The following ABCC9 variants were observed in gnomAD, a reference collection of about 807,000 sequenced individuals.
The protein encoded by ABCC9 is ATP-binding cassette sub-family C member 9.
In ABCC9, 95 loss-of-function variants were observed where a neutral mutation model predicts 188.3. That is an observed-to-expected ratio of 0.50 (90% CI 0.43 to 0.60). The LOEUF (loss-of-function observed/expected upper bound fraction) is 0.60, where lower values mean the gene tolerates loss of function less well. Among genes scored for constraint, ABCC9 ranks in the 20% least tolerant of loss-of-function variants. The pLI is 0.00. For missense variants in ABCC9, 1,102 were observed against 1,876.3 expected (o/e 0.59, Z 7.62); for synonymous variants, 659 against 652.7 (o/e 1.01, Z -0.15).
chr12:21,801,742 G>T (rs558786431), intron 39 of ABCC9, among the ~76,000 whole-genome samples: 1 of 152,112 alleles, frequency 6.6e-6, no homozygotes, highest in Non-Finnish European at 1.5e-5. Context: ...CTTTCCACGC[G>T]ATGCCCTTTG....
chr12:21,924,039 T>C (rs76908314), intron 5 of ABCC9: 10,062 of 440,254 alleles, frequency 0.023, 841 homozygotes, highest in East Asian at 0.21. Flanking sequence ...TTACATGAAG[T>C]TCTAGAACAG....
chr12:21,915,978 T>A lies in ABCC9; in HGVS notation c.574-68A>T, dbSNP rs151280173. On this transcript the variant is annotated intron_variant, in intron 6 of 39. Transcript: ENST00000261200. ...ATTTTCCACATATTAAAAATAAAAT[T>A]TCAACCTTTTCTACATTTTCATTTC... The A allele has an allele frequency of 1.6e-4, 237 of 1,494,712 alleles. 5 individuals carry two copies. The East Asian group carries it at 5.6e-3, about 35-fold the overall frequency. The allele number at this position is 1,494,712 out of a possible 1,614,324, so 92.6% of individuals were successfully genotyped here.
chr12:21,836,169 G>C (rs539046728), intron 30 of ABCC9, among the ~76,000 whole-genome samples: 1 of 151,990 alleles, frequency 6.6e-6, no homozygotes, highest in Non-Finnish European at 1.5e-5. Context: ...TCCTTGTCTC[G>C]GGCGTTAACC....
intron 29 of ABCC9, among the ~76,000 whole-genome samples, chr12:21,839,117 G>A (rs1423712049): frequency 6.6e-6 from 1 of 152,152 alleles, no homozygotes; most frequent in Non-Finnish European, 1.5e-5. Flanking sequence ...AAAGAGAATG[G>A]GTGAGTGAGG....
intron 17 of ABCC9, among the ~76,000 whole-genome samples, chr12:21,873,670 C>G (rs969988432): frequency 5.9e-5 from 9 of 152,104 alleles, no homozygotes; most frequent in Non-Finnish European, 1.3e-4. Flanking sequence ...AAATATATTA[C>G]AAACCTACGG....
At chr12:21,851,789 G>T (rs1475308845) in intron 24 of ABCC9, among the ~76,000 whole-genome samples, 1 of 152,006 alleles carries the variant, frequency 6.6e-6, no homozygotes, top group Non-Finnish European at 1.5e-5. Flanking sequence ...ATAAGGAAAC[G>T]CCATGCTTCA....
Position 21,846,685 on chromosome 12 carries a change from G to C in ABCC9, c.2867-853C>G, listed in dbSNP as rs148487079. Among the ~76,000 whole-genome samples the C allele has an allele frequency of 3.3e-3, 505 of 152,260 alleles. 4 individuals are homozygous for C. Among genetic ancestry groups the C allele is most frequent in the African/African-American group, 9.0e-3 (373 of 41,550 alleles). ...ATGCAGTAAATGACTACGTCTCAGA[G>C]GTTCTCCCCTTTGGCAGGGGTATGT... On this transcript the variant is annotated intron_variant, in intron 25 of 39. Transcript: ENST00000261200.
rs1232644596 is a variant in ABCC9, at chr12:21,933,894, T to G, written c.172A>C (p.Ile58Leu). 1 of 1,613,496 alleles carries G rather than the reference T, an allele frequency of 6.2e-7. No homozygotes were observed. Among genetic ancestry groups the G allele is most frequent in the Non-Finnish European group, 8.5e-7 (1 of 1,179,648 alleles). ...AAATGAAGCCATGTGTTGTGGTGAA[T>G]TTGTACTTTTGAGCTTTGGCTCCCC... ...GWGSQSSKVQIHHNTWLHFPG... is the reference protein window; with the variant it reads ...GWGSQSSKVQLHHNTWLHFPG... The change falls in exon 4 of 40, where the codon ATT becomes CTT. Residue 58 changes from isoleucine to leucine, a missense_variant. Ile to Leu is a conservative substitution (Grantham distance 5). This residue lies in a region of ABCC9 where 305 missense variants were observed against 573.0 expected (regional missense o/e 0.53). Coordinates refer to ENST00000261200, the MANE Select transcript of ABCC9 (RefSeq NM_020297.4).
At chr12:21,806,500 A>G (rs932599737) in intron 38 of ABCC9, among the ~76,000 whole-genome samples, 1 of 152,218 alleles carries the variant, frequency 6.6e-6, no homozygotes, top group Non-Finnish European at 1.5e-5. Context: ...AACTGTTTTT[A>G]TCTCCACCAC....
At chr12:21,814,966 T>G (rs1490703826) in intron 34 of ABCC9, among the ~76,000 whole-genome samples, 4 of 152,104 alleles carry the variant, frequency 2.6e-5, no homozygotes, top group Non-Finnish European at 5.9e-5. Context: ...GTAGGTCACT[T>G]GAGGCCAGGA....
intron 31 of ABCC9, among the ~76,000 whole-genome samples, chr12:21,820,058 C>G (rs1018549253): frequency 6.6e-6 from 1 of 152,122 alleles, no homozygotes; most frequent in Non-Finnish European, 1.5e-5. Context: ...CCAAATACTT[C>G]TAAAATATTT....
intron 14 of ABCC9, 110 bp from the exon 15 acceptor site, chr12:21,888,044 G>T: frequency 1.2e-6 from 1 of 814,626 alleles, no homozygotes; most frequent in Non-Finnish European, 2.1e-6. Context: ...TAGGATGCCT[G>T]TGAGAGTCAT....
chr12:21,866,243 C>A (rs1012714500), intron 18 of ABCC9, among the ~76,000 whole-genome samples: 2 of 152,062 alleles, frequency 1.3e-5, no homozygotes, highest in Non-Finnish European at 1.5e-5. Context: ...TTTTATAGAG[C>A]TTGAACTTTT....
rs1941312092 is a variant in ABCC9, at chr12:21,799,145, C to A, written c.*1899G>T. Reference sequence around the variant, plus strand: ...ATAGCATTGGGAGATATACCTAATGCTAGATGACGAGTTAGTGGGTGCAGC... The same window carrying A: ...ATAGCATTGGGAGATATACCTAATGATAGATGACGAGTTAGTGGGTGCAGC... On this transcript the variant is annotated 3_prime_UTR_variant, in exon 40 of 40. Coordinates refer to ENST00000261200, the MANE Select transcript of ABCC9 (RefSeq NM_020297.4). 1 of 148,200 alleles carries A rather than the reference C, an allele frequency of 6.7e-6. No individual in the cohort carries two copies. The highest frequency in any genetic ancestry group is 2.5e-5 in the African/African-American group (1 of 39,924). 9.2% of individuals were successfully genotyped at this position (148,200 alleles called of 1,614,324 possible).
At position 21,802,692 on chromosome 12, in the gene ABCC9, A is replaced by C. The variant is rs146818106; in HGVS notation, c.4513-1511T>G. On this transcript the variant is annotated intron_variant, in intron 39 of 39. Coordinates refer to ENST00000261200, the MANE Select transcript of ABCC9 (RefSeq NM_020297.4). ...CGGAACCTGAACTATGCAGGTCAAA[A>C]TATTAGTGTGCTGATGGGAGTCCCT... Among the ~76,000 whole-genome samples the C allele has an allele frequency of 4.7e-3, 718 of 152,268 alleles. 10 individuals are homozygous for C. The highest frequency in any genetic ancestry group is 0.016 in the African/African-American group (672 of 41,554).
Position 21,917,013 on chromosome 12 carries a change from C to T in ABCC9, c.497G>A (p.Arg166His), listed in dbSNP as rs772244404. Residue 166 changes from arginine to histidine, a missense_variant, in exon 6 of 40, where the codon CGT becomes CAT. Physicochemically the swap from Arg to His is conservative, Grantham distance 29. Transcript: ENST00000261200. ...CQSGLDISNLRFCITGMMVIL... is the reference protein window; with the variant it reads ...CQSGLDISNLHFCITGMMVIL... ...GACCATCATGCCTGTGATGCAGAAA[C>T]GCAGGTTTGATATGTCCAAGCCAGA... 1.7e-5 allele frequency: 27 copies of T among 1,613,614 alleles called. 2 individuals are homozygous for T. Among genetic ancestry groups the T allele is most frequent in the Middle Eastern group, 3.3e-4 (2 of 6,080 alleles).
intron 24 of ABCC9, 131 bp from the exon 25 acceptor site, chr12:21,848,377 T>A (rs1223970094): frequency 1.3e-6 from 1 of 756,992 alleles, no homozygotes; most frequent in Non-Finnish European, 2.3e-6. Flanking sequence ...ACTCTGGAGA[T>A]CCACAACTCC....
At chr12:21,926,164 G>A in intron 4 of ABCC9, 101 bp from the exon 5 acceptor site, 10 of 1,470,546 alleles carry the variant, frequency 6.8e-6, no homozygotes, top group Non-Finnish European at 9.5e-6. Flanking sequence ...GCAATAAGAT[G>A]TTTAAAATAC....
chr12:21,802,984 A>G (rs1435036877), intron 39 of ABCC9, among the ~76,000 whole-genome samples: 1 of 152,124 alleles, frequency 6.6e-6, no homozygotes, highest in Non-Finnish European at 1.5e-5. Context: ...CCAGTTTTCA[A>G]TACCCATGAC....
Sources: gnomAD v4.1 joint callset for allele counts (sites outside exome capture counted in the v4.1 genomes callset) on GRCh38, gnomAD v4.1.1 for gene constraint, gnomAD v4.1.1 regional missense constraint, MANE v1.5 for transcripts, NCBI Gene and HGNC (gene_info 2026-07-23, HGNC 2026-07-21) for gene names.